GALNTL6: variants seen among roughly 807,000 people sequenced by gnomAD.
The protein encoded by GALNTL6 is polypeptide N-acetylgalactosaminyltransferase-like 6.
In GALNTL6, 46 loss-of-function variants were observed where a neutral mutation model predicts 73.7. That is an observed-to-expected ratio of 0.62 (90% CI 0.49 to 0.80). The LOEUF (loss-of-function observed/expected upper bound fraction) is 0.80, where lower values mean the gene tolerates loss of function less well. Ranked by LOEUF, GALNTL6 falls within the 30% of genes least tolerant of loss-of-function variation. GALNTL6 has a pLI of 0.00. For missense variants in GALNTL6, 604 were observed against 755.0 expected (o/e 0.80, Z 2.34); for synonymous variants, 259 against 263.7 (o/e 0.98, Z 0.17).
intron 5 of GALNTL6, among the ~76,000 whole-genome samples, chr4:172,398,990 A>T (rs1743945459): frequency 6.6e-6 from 1 of 152,144 alleles, no homozygotes; most frequent in Non-Finnish European, 1.5e-5. Flanking sequence ...TCAACCTTTT[A>T]GTTGTGTCTT....
At chr4:172,341,218 G>A (rs1178878784) in intron 4 of GALNTL6, among the ~76,000 whole-genome samples, 1 of 151,782 alleles carries the variant, frequency 6.6e-6, no homozygotes, top group Non-Finnish European at 1.5e-5. Context: ...TTGGGAGGCC[G>A]AGGCGGGCGG....
At chr4:172,573,775 A>T (rs1018150615) in intron 5 of GALNTL6, among the ~76,000 whole-genome samples, 6 of 152,190 alleles carry the variant, frequency 3.9e-5, no homozygotes, top group Non-Finnish European at 7.3e-5. Flanking sequence ...ATTTTCAAGA[A>T]TGTAAAATCT....
intron 5 of GALNTL6, among the ~76,000 whole-genome samples, chr4:172,786,740 A>T (rs185750911): frequency 3.9e-5 from 6 of 152,292 alleles, no homozygotes; most frequent in Admixed American, 1.3e-4. Flanking sequence ...GATGTGCATA[A>T]TCTGTTGGTA....
chr4:173,027,275 G>A lies in GALNTL6; in HGVS notation c.1638+5650G>A, dbSNP rs138904912. 1.7e-3 allele frequency among the ~76,000 whole-genome samples: 258 copies of A among 152,236 alleles called. 1 individual carries two copies. Among genetic ancestry groups the A allele is most frequent in the African/African-American group, 5.7e-3 (237 of 41,540 alleles). ...TGGGATTACAGGCGTGAGCCACCGCGCCCAGCCCTCCCTGAAATATTTTTA... is the reference window on the plus strand; with the variant it reads ...TGGGATTACAGGCGTGAGCCACCGCACCCAGCCCTCCCTGAAATATTTTTA... On this transcript the variant is annotated intron_variant, in intron 12 of 12. Transcript: ENST00000506823.
At chr4:172,467,699 G>A (rs1732872882) in intron 5 of GALNTL6, among the ~76,000 whole-genome samples, 1 of 152,114 alleles carries the variant, frequency 6.6e-6, no homozygotes, top group Middle Eastern at 3.4e-3. Context: ...TGTATTTATG[G>A]CATTTAAAAT....
At chr4:172,618,869 G>A (rs1169543325) in intron 5 of GALNTL6, among the ~76,000 whole-genome samples, 1 of 152,048 alleles carries the variant, frequency 6.6e-6, no homozygotes, top group South Asian at 2.1e-4. Context: ...GATTAAGGGT[G>A]CGCACCATCA....
At chr4:171,964,570 G>A (rs373468699) in intron 2 of GALNTL6, among the ~76,000 whole-genome samples, 91 of 152,030 alleles carry the variant, frequency 6.0e-4, no homozygotes, top group African/African-American at 2.0e-3. Context: ...CTTGTTCCCC[G>A]AACATACCCC....
chr4:172,794,347 T>A (rs954858911), intron 5 of GALNTL6, among the ~76,000 whole-genome samples: 23 of 152,216 alleles, frequency 1.5e-4, no homozygotes, highest in African/African-American at 5.3e-4. Context: ...CCTTGGACAT[T>A]GATTAAGTTG....
At chr4:172,640,708 T>TA (rs1739935527) in intron 5 of GALNTL6, among the ~76,000 whole-genome samples, 1 of 152,086 alleles carries the variant, frequency 6.6e-6, no homozygotes, top group Non-Finnish European at 1.5e-5. Context: ...AGGTCCTCCC[T>TA]AAAGACCTCA....
chr4:172,448,675 T>C lies in GALNTL6; in HGVS notation c.553+99986T>C, dbSNP rs148865738. Among the ~76,000 whole-genome samples, 23 of 152,308 alleles carry C rather than the reference T, an allele frequency of 1.5e-4. No homozygotes were observed. The East Asian group carries it at 4.4e-3, about 29-fold the overall frequency. ...AACGCTTTTTAGTCTTCTCTAGAAA[T>C]AGAATTATTTTAAAACTCTGAGAAA... is the stretch of plus-strand genomic sequence containing the variant. On this transcript the variant is annotated intron_variant, in intron 5 of 12. Transcript: ENST00000506823.
intron 5 of GALNTL6, among the ~76,000 whole-genome samples, chr4:172,802,770 A>C (rs1255405397): frequency 6.6e-6 from 1 of 150,762 alleles, no homozygotes; most frequent in Non-Finnish European, 1.5e-5. Context: ...ACCACTACAC[A>C]ACAGAGTGAG....
At chr4:172,706,770 G>A (rs575401307) in intron 5 of GALNTL6, among the ~76,000 whole-genome samples, 4 of 152,284 alleles carry the variant, frequency 2.6e-5, no homozygotes, top group South Asian at 4.1e-4. Flanking sequence ...AAGAAGGCTA[G>A]TTTGGAGTTT....
At chr4:172,242,013 C>T (rs1469080507) in intron 3 of GALNTL6, among the ~76,000 whole-genome samples, 1 of 151,988 alleles carries the variant, frequency 6.6e-6, no homozygotes, top group East Asian at 1.9e-4. Context: ...AGAGAATGTA[C>T]ATTTTGATAT....
chr4:172,444,948 C>T (rs183918576), intron 5 of GALNTL6, among the ~76,000 whole-genome samples: 6 of 152,266 alleles, frequency 3.9e-5, no homozygotes, highest in Admixed American at 6.5e-5. Context: ...AGAGTCTGAA[C>T]TCAAGGTAGA....
intron 2 of GALNTL6, among the ~76,000 whole-genome samples, chr4:172,155,418 A>G (rs1386645263): frequency 1.3e-5 from 2 of 152,234 alleles, no homozygotes; most frequent in Non-Finnish European, 2.9e-5. Flanking sequence ...CAGATCACAC[A>G]GCAGCTTAAT....
chr4:172,561,743 C>T (rs1335645606), intron 5 of GALNTL6, among the ~76,000 whole-genome samples: 1 of 152,154 alleles, frequency 6.6e-6, no homozygotes, highest in Non-Finnish European at 1.5e-5. Context: ...AATGTCCAGG[C>T]TTCACAATAC....
At chr4:172,428,729 T>C (rs557830525) in intron 5 of GALNTL6, among the ~76,000 whole-genome samples, 5 of 152,276 alleles carry the variant, frequency 3.3e-5, no homozygotes, top group African/African-American at 1.2e-4. Flanking sequence ...AACGGAGATA[T>C]AGAGATAGAA....
intron 2 of GALNTL6, among the ~76,000 whole-genome samples, chr4:171,822,044 G>C (rs533911266): frequency 6.6e-6 from 1 of 152,138 alleles, no homozygotes; most frequent in East Asian, 1.9e-4. Flanking sequence ...AGTGACTACT[G>C]TCATTTCCTA....
chr4:172,847,364 A>G (rs1743569066), intron 7 of GALNTL6, among the ~76,000 whole-genome samples: 1 of 152,160 alleles, frequency 6.6e-6, no homozygotes, highest in South Asian at 2.1e-4. Flanking sequence ...TTTAAAATTC[A>G]TATTTTCATA....
Sources: allele counts gnomAD v4.1 joint callset (sites outside exome capture counted in the v4.1 genomes callset), GRCh38; gene constraint gnomAD v4.1.1; transcripts MANE v1.5; gene names NCBI Gene and HGNC (gene_info 2026-07-23, HGNC 2026-07-21).